Variants in NHLH2 observed in about 807,000 individuals in gnomAD.
NHLH2 encodes the protein helix-loop-helix protein 2.
A neutral mutation model predicts 7.3 loss-of-function variants in NHLH2; 7 were observed. The observed-to-expected ratio is 0.96, with a 90% CI of 0.55 to 1.81. NHLH2 has a LOEUF of 1.81. Ranked by LOEUF, NHLH2 falls within the 40% of genes most tolerant of loss-of-function variation. NHLH2 has a pLI of 0.00. For synonymous variants in NHLH2, 93 were observed against 91.6 expected, an observed-to-expected ratio of 1.01 and a Z score of -0.09; for missense variants, 155 against 194.0, an observed-to-expected ratio of 0.80 and a Z score of 1.19.
downstream of NHLH2, among the ~76,000 whole-genome samples, chr1:115,833,723 T>C (rs1650803208): frequency 6.6e-6 from 1 of 152,228 alleles, no homozygotes; most frequent in Non-Finnish European, 1.5e-5. Flanking sequence ...AGTAAGCATG[T>C]AGTATACACT....
In NHLH2 at chr1:115,837,752, T is replaced by A. The variant is rs1557829408; in HGVS notation, c.*213A>T. 3.6e-6 allele frequency: 2 copies of A among 558,078 alleles called. No homozygotes were observed. The highest frequency in any genetic ancestry group is 6.0e-6 in the Non-Finnish European group (2 of 330,806). The allele number at this position is 558,078 out of a possible 1,614,324, so 34.6% of individuals were successfully genotyped here. On this transcript the variant is annotated 3_prime_UTR_variant, in exon 3 of 3. Transcript: ENST00000320238. ...AAATCCCCCCTGCGAGCCCCCGGGC[T>A]CGCCAGACAACCCCACCTGCCTGCG...
In NHLH2 at chr1:115,838,310, C is replaced by T. The variant is rs1436484780; in HGVS notation, c.63G>A (p.Pro21=). ...SDHPSSAHSD[P]ESLGGTDTKV... ...TGGTGTCCGTGCCGCCCAGGGACTCCGGATCCGAGTGCGCCGAGCTGGGAT... is the reference window on the plus strand; with the variant it reads ...TGGTGTCCGTGCCGCCCAGGGACTCTGGATCCGAGTGCGCCGAGCTGGGAT... Residue 21 remains proline, a synonymous_variant, in exon 3 of 3, where the codon CCG becomes CCA. Coordinates refer to ENST00000320238, the MANE Select transcript of NHLH2 (RefSeq NM_005599.3). The T allele has an allele frequency of 5.0e-5, 80 of 1,609,260 alleles. No individual in the cohort carries two copies. The highest frequency in any genetic ancestry group is 6.4e-5 in the Non-Finnish European group (76 of 1,179,388).
chr1:115,838,165 G>A lies in NHLH2; in HGVS notation c.208C>T (p.Arg70Cys). ...TACTTGGCCGTGGCGCGCCGGCGGCGGCGCTTCTCCTCGCGGCTCAGCTGC... is the reference window on the plus strand; with the variant it reads ...TACTTGGCCGTGGCGCGCCGGCGGCAGCGCTTCTCCTCGCGGCTCAGCTGC... ...PQQLSREEKR[R>C]RRRATAKYRS... Residue 70 changes from arginine (R) to cysteine (C), a missense_variant, in exon 3 of 3, where the codon CGC becomes TGC. By Grantham distance (180) the Arg-to-Cys change is radical. Transcript: ENST00000320238. 6.3e-7 allele frequency: 1 copy of A among 1,583,616 alleles called. No individual in the cohort carries two copies. The highest frequency in any genetic ancestry group is 8.6e-7 in the Non-Finnish European group (1 of 1,166,560).
downstream of NHLH2, among the ~76,000 whole-genome samples, chr1:115,835,641 A>C (rs997942467): frequency 1.3e-5 from 2 of 152,254 alleles, no homozygotes; most frequent in African/African-American, 2.4e-5. Context: ...CATAAGGCCA[A>C]GCATCCATCT....
At chr1:115,834,901 A>T (rs1474415964), downstream of NHLH2, among the ~76,000 whole-genome samples, 1 of 152,188 alleles carries the variant, frequency 6.6e-6, no homozygotes, top group Non-Finnish European at 1.5e-5. Context: ...TTCAAAGAAG[A>T]ATCGAGACCT....
Position 115,838,134 on chromosome 1 carries a change from G to A in NHLH2, c.239C>T (p.Ser80Leu). ...GATGCGCTCGCGGGTGGCGTGGGCCGAGCGGTACTTGGCCGTGGCGCGCCG... is the reference window on the plus strand; with the variant it reads ...GATGCGCTCGCGGGTGGCGTGGGCCAAGCGGTACTTGGCCGTGGCGCGCCG... ...RRRRATAKYR[S>L]AHATRERIRV... The change falls in exon 3 of 3, where the codon TCG (serine) becomes TTG (leucine). Residue 80 changes from serine (S) to leucine (L), a missense_variant. Around this residue, in one of 2 missense-constraint regions of NHLH2, gnomAD observed 64 missense variants for 107.4 expected, o/e 0.60. Coordinates refer to ENST00000320238, the MANE Select transcript of NHLH2 (RefSeq NM_005599.3). 6.2e-7 allele frequency: 1 copy of A among 1,601,378 alleles called. No individual in the cohort carries two copies. The highest frequency in any genetic ancestry group is 8.5e-7 in the Non-Finnish European group (1 of 1,175,076).
intron 2 of NHLH2, chr1:115,838,586 C>T (rs1010655451): frequency 1.8e-5 from 9 of 500,330 alleles, no homozygotes; most frequent in South Asian, 3.5e-5. Context: ...GCGCGGGAGC[C>T]GGCGGGGACG....
At chr1:115,833,788 T>C (rs74114670), downstream of NHLH2, among the ~76,000 whole-genome samples, 7,022 of 152,228 alleles carry the variant, frequency 0.046, 578 homozygotes, top group African/African-American at 0.16. Flanking sequence ...AGATAGCACA[T>C]CTAAATATGG....
At chr1:115,836,322 C>A (rs1406515773), downstream of NHLH2, 1 of 152,204 alleles carries the variant, frequency 6.6e-6, no homozygotes, top group Non-Finnish European at 1.5e-5. Context: ...ATATTTCATG[C>A]TCAGCTAACA....
chr1:115,832,063 C>T (rs1457911371), downstream of NHLH2, among the ~76,000 whole-genome samples: 2 of 152,196 alleles, frequency 1.3e-5, no homozygotes, highest in Non-Finnish European at 2.9e-5. Context: ...TGGCCCTCTG[C>T]TTCTAGACCT....
Position 115,838,212 on chromosome 1 carries a change from G to A in NHLH2, c.161C>T (p.Ala54Val), listed in dbSNP as rs1012641972. 1 of 1,559,558 alleles carries A rather than the reference G, an allele frequency of 6.4e-7. No homozygotes were observed. Among genetic ancestry groups the A allele is most frequent in the South Asian group, 1.2e-5 (1 of 85,672 alleles). ...CTGCTGCGGGTGCGGGTAGAGCGCG[G>A]CTCGGCTGCCGCCCTTGCCGTCGCC... ...AEGDGKGGSRAALYPHPQQLS... is the reference protein window; with the variant it reads ...AEGDGKGGSRVALYPHPQQLS... Residue 54 changes from alanine (A) to valine (V), a missense_variant, in exon 3 of 3, where the codon GCC becomes GTC. Ala to Val is a moderately conservative substitution (Grantham distance 64). Transcript: ENST00000320238.
intron 2 of NHLH2, chr1:115,839,890 A>T (rs2797191): frequency 0.97 from 162,432 of 167,194 alleles, 79,106 homozygotes; most frequent in East Asian, 1. Flanking sequence ...ATGCTCCCAG[A>T]GAGCTGCATG....
chr1:115,836,873 C>A lies in NHLH2; in HGVS notation c.*1092G>T, dbSNP rs559103237. 2.0e-5 allele frequency: 3 copies of A among 152,116 alleles called. No homozygotes were observed. The highest frequency in any genetic ancestry group is 4.4e-5 in the Non-Finnish European group (3 of 67,970). The allele number at this position is 152,116 out of a possible 1,614,324, so 9.4% of individuals were successfully genotyped here. A position where few individuals can be genotyped will look rare whatever the true frequency, so the allele number is the denominator to read the frequency against. ...TGTTGCTGATCTCACAACAAAAGAA[C>A]CTTTCAAGAACAAACATCTTAATAT... On this transcript the variant is annotated 3_prime_UTR_variant, in exon 3 of 3. Coordinates refer to ENST00000320238, the MANE Select transcript of NHLH2 (RefSeq NM_005599.3).
Position 115,838,056 on chromosome 1 carries a change from G to A in NHLH2, c.317C>T (p.Thr106Met). The A allele has an allele frequency of 6.2e-7, 1 of 1,609,614 alleles. No individual in the cohort carries two copies. The highest frequency in any genetic ancestry group is 8.5e-7 in the Non-Finnish European group (1 of 1,178,300). Residue 106 changes from threonine to methionine, a missense_variant, in exon 3 of 3, where the codon ACG becomes ATG. Physicochemically the swap from Thr to Met is moderately conservative, Grantham distance 81 (BLOSUM62 -1). Around this residue, in one of 2 missense-constraint regions of NHLH2, gnomAD observed 64 missense variants for 107.4 expected, o/e 0.60. Coordinates refer to ENST00000320238, the MANE Select transcript of NHLH2 (RefSeq NM_005599.3). ...GGAGAGCTTCTTGTCCGGGGGCAGC[G>A]TGGGCAGCAATTTGCGGAGCTCGGC... is the stretch of plus-strand genomic sequence containing the variant. The part of the protein sequence containing the change: ...AFAELRKLLP[T>M]LPPDKKLSKI...
chr1:115,831,795 G>A (rs1650759334), downstream of NHLH2, among the ~76,000 whole-genome samples: 1 of 151,978 alleles, frequency 6.6e-6, no homozygotes, highest in South Asian at 2.1e-4. Context: ...GGTGGTACAT[G>A]CCTGTAATCC....
downstream of NHLH2, among the ~76,000 whole-genome samples, chr1:115,833,160 G>A (rs1650790955): frequency 6.6e-6 from 1 of 152,192 alleles, no homozygotes; most frequent in African/African-American, 2.4e-5. Flanking sequence ...GGGCTGGAAG[G>A]TGCAGAGGAG....
At chr1:115,839,450 T>G (rs1650995088) in intron 2 of NHLH2, 1 of 166,830 alleles carries the variant, frequency 6.0e-6, no homozygotes, top group Non-Finnish European at 1.5e-5. Flanking sequence ...AGCCTTCCTC[T>G]AACTTAACTG....
Position 115,836,847 on chromosome 1 carries a change from G to C in NHLH2, c.*1118C>G, listed in dbSNP as rs1030876167. ...AAAAAACTATAATAGTGAAGTGCTA[G>C]TGTTGCTGATCTCACAACAAAAGAA... is the stretch of plus-strand genomic sequence containing the variant. On this transcript the variant is annotated 3_prime_UTR_variant, in exon 3 of 3. Coordinates refer to ENST00000320238, the MANE Select transcript of NHLH2 (RefSeq NM_005599.3). The C allele has an allele frequency of 1.3e-5, 2 of 152,140 alleles. No individual in the cohort carries two copies. The highest frequency in any genetic ancestry group is 2.9e-5 in the Non-Finnish European group (2 of 68,022). 9.4% of individuals were successfully genotyped at this position (152,140 alleles called of 1,614,324 possible).
chr1:115,833,452 T>C (rs1650796476), downstream of NHLH2, among the ~76,000 whole-genome samples: 1 of 151,876 alleles, frequency 6.6e-6, no homozygotes, highest in East Asian at 1.9e-4. Flanking sequence ...CCTAGGCACA[T>C]GGATGGAAAG....
Sources: allele counts gnomAD v4.1 joint callset (sites outside exome capture counted in the v4.1 genomes callset), GRCh38; gene constraint gnomAD v4.1.1; regional missense constraint gnomAD v4.1.1; transcripts MANE v1.5; gene names NCBI Gene and HGNC (gene_info 2026-07-23, HGNC 2026-07-21).